Variants in OAS3 observed in about 807,000 individuals in gnomAD.
OAS3 encodes 2'-5'-oligoadenylate synthase 3.
OAS3 carries 107 observed loss-of-function variants against 113.0 expected under a neutral mutation model. The observed-to-expected ratio is 0.95, with a 90% confidence interval of 0.81 to 1.11. OAS3 has a LOEUF of 1.11. Among genes scored for constraint, OAS3 ranks in the 50% most tolerant of loss-of-function variants. The pLI, the probability that OAS3 is intolerant of heterozygous loss-of-function variation, is 0.00. For missense variants in OAS3, 1,258 were observed against 1,389.1 expected (o/e 0.91, Z 1.50); for synonymous variants, 552 against 573.6 (o/e 0.96, Z 0.54).
intron 14 of OAS3, among the ~76,000 whole-genome samples, 175 bp downstream of exon 14, chr12:112,968,349 T>C (rs2136363012): frequency 6.6e-6 from 1 of 152,312 alleles, no homozygotes; most frequent in South Asian, 2.1e-4. Flanking sequence ...CACCCAGGAA[T>C]AGGGTTGCCA....
chr12:112,938,951 G>A lies in OAS3; in HGVS notation c.177+244G>A, dbSNP rs372636187. Among the ~76,000 whole-genome samples the A allele has an allele frequency of 6.6e-5, 10 of 152,300 alleles. No individual in the cohort carries two copies. In the East Asian group the frequency reaches 1.3e-3, roughly 21 times the overall value. On this transcript the variant is annotated intron_variant, in intron 1 of 15. Transcript: ENST00000228928. ...CACAGAGAGGTACAGTGACGTGTCC[G>A]ATCCTGTAAGAGGCCCAGCCAGGAT...
chr12:112,969,800 G>A (rs769552427), intron 15 of OAS3, 45 bp downstream of exon 15: 1 of 1,605,844 alleles, frequency 6.2e-7, no homozygotes, highest in Non-Finnish European at 8.5e-7. Context: ...TAGGGGTAAG[G>A]GGGGAGCATG....
At position 112,967,418 on chromosome 12, in the gene OAS3, G is replaced by A; in HGVS notation, c.2690G>A (p.Gly897Asp). The change falls in exon 13 of 16, where the codon GGC becomes GAC. Residue 897 changes from glycine to aspartate, a missense_variant and splice_region_variant. By Grantham distance (94) the Gly-to-Asp change is moderately conservative (BLOSUM62 -1). Coordinates refer to ENST00000228928, the MANE Select transcript of OAS3 (RefSeq NM_006187.4). The part of the protein sequence containing the change: ...FDVLPAFDAL[G>D]QLVSGSRPSS... ...ATGGTAACCATCTCCCCATCTCCAG[G>A]CCAGCTGGTCTCTGGCTCCAGGCCC... 6.2e-7 allele frequency: 1 copy of A among 1,610,752 alleles called. No individual in the cohort carries two copies. Among genetic ancestry groups the A allele is most frequent in the East Asian group, 2.2e-5 (1 of 44,774 alleles).
intron 1 of OAS3, among the ~76,000 whole-genome samples, chr12:112,939,825 A>G (rs571920179): frequency 1.3e-5 from 2 of 152,254 alleles, no homozygotes; most frequent in African/African-American, 4.8e-5. Context: ...TGGGTGTGCT[A>G]GAGGAGGTTG....
chr12:112,963,316 C>A lies in OAS3; in HGVS notation c.2088C>A (p.Pro696=). The change falls in exon 10 of 16, where the codon CCC becomes CCA. Residue 696 remains proline, a synonymous_variant. Coordinates refer to ENST00000228928, the MANE Select transcript of OAS3 (RefSeq NM_006187.4). This position sits in a 1 kb window ranked among gnomAD's most constrained non-coding sequence, Gnocchi z 4.6. ...CACCTTCCTGCTGTGCCCCCAGACCCCTGGTCCTGGACCCCGCTGATCCCA... is the reference window on the plus strand; with the variant it reads ...CACCTTCCTGCTGTGCCCCCAGACCACTGGTCCTGGACCCCGCTGATCCCA... ...HLLGQLRKPR[P]LVLDPADPTW... 1 of 1,573,670 alleles carries A rather than the reference C, an allele frequency of 6.4e-7. No individual in the cohort carries two copies.
intron 7 of OAS3, among the ~76,000 whole-genome samples, chr12:112,957,224 T>C (rs1016518071): frequency 5.9e-5 from 9 of 152,216 alleles, no homozygotes; most frequent in Admixed American, 2.0e-4. Context: ...TTTCAGTCTA[T>C]GTGTGTCTCT....
At chr12:112,951,297 A>T (rs999684729) in intron 7 of OAS3, among the ~76,000 whole-genome samples, 11 of 152,080 alleles carry the variant, frequency 7.2e-5, no homozygotes, top group African/African-American at 2.7e-4. Context: ...TTCTCATGTT[A>T]TAATTTTCTT....
At position 112,938,534 on chromosome 12, in the gene OAS3, G is replaced by A. The variant is rs755573230; in HGVS notation, c.4G>A (p.Asp2Asn). ...CTTGCACCTGCGCCGGGCGGCCATG[G>A]ACTTGTACAGCACCCCGGCCGCTGC... Reference protein sequence around the residue: MDLYSTPAAALD... With the variant: MNLYSTPAAALD... Residue 2 changes from aspartate (D) to asparagine (N), a missense_variant, in exon 1 of 16, where the codon GAC (aspartate) becomes AAC (asparagine). Transcript: ENST00000228928. The A allele has an allele frequency of 1.3e-6, 2 of 1,599,926 alleles. No individual in the cohort carries two copies. Among genetic ancestry groups the A allele is most frequent in the East Asian group, 2.3e-5 (1 of 43,688 alleles).
At chr12:112,939,196 ATGAG>A (rs1314486434) in intron 1 of OAS3, among the ~76,000 whole-genome samples, 1 of 152,178 alleles carries the variant, frequency 6.6e-6, no homozygotes, top group Admixed American at 6.5e-5. Flanking sequence ...ATCTCATTAA[ATGAG>A]TATTACCTCA....
chr12:112,963,427 C>T lies in OAS3; in HGVS notation c.2199C>T (p.Asp733=), dbSNP rs749725841. Residue 733 remains aspartate, a synonymous_variant, in exon 10 of 16, where the codon GAC becomes GAT. Transcript: ENST00000228928. The surrounding 1 kb of genome is among the most constrained non-coding windows in gnomAD (Gnocchi z 4.6). ...TGCAGGCCTGCTTTCTGAGTAGAGACGGGACATCTGTGCAGCCCTGGGATG... is the reference window on the plus strand; with the variant it reads ...TGCAGGCCTGCTTTCTGAGTAGAGATGGGACATCTGTGCAGCCCTGGGATG... ...LGMQACFLSR[D]GTSVQPWDVM... 9.8e-5 allele frequency: 152 copies of T among 1,550,936 alleles called. No individual in the cohort carries two copies. The highest frequency in any genetic ancestry group is 3.2e-4 in the South Asian group (27 of 83,966).
intron 12 of OAS3, among the ~76,000 whole-genome samples, chr12:112,966,521 C>G (rs2043935640): frequency 6.6e-6 from 1 of 152,254 alleles, no homozygotes. Flanking sequence ...ATAGACACAA[C>G]TCTCTTCATA....
At chr12:112,949,462 C>T (rs376556324) in intron 6 of OAS3, among the ~76,000 whole-genome samples, 15 of 152,054 alleles carry the variant, frequency 9.9e-5, no homozygotes, top group Admixed American at 5.9e-4. Flanking sequence ...TTTCACAGGG[C>T]GCAGAGGCCT....
Position 112,970,230 on chromosome 12 carries a change from C to A in OAS3, c.*257C>A. 1.8e-6 allele frequency: 1 copy of A among 571,218 alleles called. No individual in the cohort carries two copies. The highest frequency in any genetic ancestry group is 3.0e-5 in the East Asian group (1 of 33,556). 35.4% of individuals were successfully genotyped at this position (571,218 alleles called of 1,614,324 possible). A position where few individuals can be genotyped will look rare whatever the true frequency, so the allele number is the denominator to read the frequency against. On this transcript the variant is annotated 3_prime_UTR_variant, in exon 16 of 16. Coordinates refer to ENST00000228928, the MANE Select transcript of OAS3 (RefSeq NM_006187.4). ...GTTTGACACCAGCCTGCGTTTGCAG[C>A]TTCTCTGTCACTTCCATGACTCTAT... is the stretch of plus-strand genomic sequence containing the variant.
In OAS3 at chr12:112,946,766, GGA is replaced by G; in HGVS notation, c.663_664del (p.Glu221AspfsTer21). On this transcript the variant is annotated frameshift_variant, in exon 4 of 16. Coordinates refer to ENST00000228928, the MANE Select transcript of OAS3 (RefSeq NM_006187.4). LOFTEE classifies it high-confidence loss of function. ...HQVCLQGLWK[E>X]TLPPVYALEL... ...AGGTGTGCCTACAGGGGTTGTGGAA[GGA>G]GACGCTGCCCCCGGTCTATGCCCTG... 1.9e-6 allele frequency: 3 copies of G among 1,611,546 alleles called. No homozygotes were observed. The highest frequency in any genetic ancestry group is 2.5e-6 in the Non-Finnish European group (3 of 1,178,972).
rs1204874487 is a variant in OAS3, at chr12:112,951,034, A to T, written c.1657+59A>T. ...TAGGGACCTCAGGCGCCCATCTAAC[A>T]GGGGCACCTGCCATCCTCTTTGTGA... On this transcript the variant is annotated intron_variant, in intron 7 of 15. Transcript: ENST00000228928. 8.5e-6 allele frequency: 13 copies of T among 1,527,466 alleles called. No homozygotes were observed. The South Asian group carries it at 1.6e-4, about 19-fold the overall frequency. The allele number at this position is 1,527,466 out of a possible 1,614,324, so 94.6% of individuals were successfully genotyped here. A position where few individuals can be genotyped will look rare whatever the true frequency, so the allele number is the denominator to read the frequency against.
chr12:112,950,515 T>C, intron 6 of OAS3, 178 bp from the exon 7 acceptor site: 1 of 692,416 alleles, frequency 1.4e-6, no homozygotes, highest in African/African-American at 1.8e-5. Context: ...AACTTGACTC[T>C]CTGTCACAAT....
At chr12:112,948,230 T>A in intron 5 of OAS3, 131 bp downstream of exon 5, 1 of 898,140 alleles carries the variant, frequency 1.1e-6, no homozygotes, top group Non-Finnish European at 1.5e-6. Context: ...GTGTGGTGGC[T>A]CACGCCTGTA....
intron 1 of OAS3, among the ~76,000 whole-genome samples, chr12:112,939,492 T>C (rs1428970456): frequency 6.6e-6 from 1 of 152,000 alleles, no homozygotes; most frequent in Non-Finnish European, 1.5e-5. Context: ...GCTAATTATT[T>C]GCATTTTTTG....
chr12:112,949,760 T>C (rs2043772446), intron 6 of OAS3, among the ~76,000 whole-genome samples: 2 of 152,180 alleles, frequency 1.3e-5, no homozygotes, highest in African/African-American at 4.8e-5. Flanking sequence ...GGCTCACGCC[T>C]GTAATCCTGG....
Sources: gnomAD v4.1 joint callset for allele counts (sites outside exome capture counted in the v4.1 genomes callset) on GRCh38, gnomAD v4.1.1 for gene constraint, Gnocchi (gnomAD v3.1) non-coding constraint, MANE v1.5 for transcripts, NCBI Gene and HGNC (gene_info 2026-07-23, HGNC 2026-07-21) for gene names.